TTI1: variants seen among roughly 807,000 people sequenced by gnomAD.
The protein encoded by TTI1 is TELO2-interacting protein 1 homolog.
Under a neutral mutation model 85.4 loss-of-function variants are expected in TTI1, and 52 were observed. The ratio of observed to expected loss-of-function variants is 0.61; its 90% confidence interval spans 0.49 to 0.77. TTI1 has a LOEUF of 0.77. Among genes scored for constraint, TTI1 ranks in the 30% least tolerant of loss-of-function variants. The probability of loss-of-function intolerance (pLI) is 0.00; values close to 1 mark genes in which losing one functional copy is unlikely to be tolerated. For synonymous variants in TTI1, 512 were observed against 503.9 expected, an observed-to-expected ratio of 1.02 and a Z score of -0.22; for missense variants, 1,173 against 1,296.0, an observed-to-expected ratio of 0.91 and a Z score of 1.46.
intron 7 of TTI1, 47 bp downstream of exon 7, chr20:37,996,328 T>C (rs1202128733): frequency 2.5e-6 from 4 of 1,599,898 alleles, no homozygotes; most frequent in Non-Finnish European, 3.4e-6. Context: ...AAATCATCTG[T>C]AATTTAGAAC....
Position 37,996,851 on chromosome 20 carries a change from T to G in TTI1, c.2896A>C (p.Ile966Leu). The change falls in exon 6 of 8, where the codon ATC (isoleucine) becomes CTC (leucine). Residue 966 changes from isoleucine (I) to leucine (L), a missense_variant. Transcript: ENST00000373447. The stretch of plus-strand genomic sequence containing the variant: ...TAAACTGGTCCAGCCCTGGCACTGA[T>G]GGGGGCCTGGGTGACTAGGGAGCCA... ...LAGSLVTQAP[I>L]SARAGPVYSH... The G allele has an allele frequency of 6.2e-7, 1 of 1,614,076 alleles. No homozygotes were observed. Among genetic ancestry groups the G allele is most frequent in the Non-Finnish European group, 8.5e-7 (1 of 1,179,982 alleles).
At chr20:37,996,266 G>T in intron 7 of TTI1, 109 bp downstream of exon 7, 2 of 1,116,282 alleles carry the variant, frequency 1.8e-6, no homozygotes, top group Non-Finnish European at 2.7e-6. Flanking sequence ...TCTTAACCTG[G>T]CAGGGTGACA....
chr20:38,026,098 A>C (rs2073833687), intron 1 of TTI1, among the ~76,000 whole-genome samples: 1 of 152,262 alleles, frequency 6.6e-6, no homozygotes, highest in South Asian at 2.1e-4. Context: ...TTAATTTCTG[A>C]AAACTAACAA....
At chr20:37,987,320 CAG>C (rs1370659811) in intron 7 of TTI1, 1 of 456,750 alleles carries the variant, frequency 2.2e-6, no homozygotes, top group Admixed American at 2.3e-5. Context: ...AAGACAAAGA[CAG>C]GACCTCTGCT....
chr20:38,029,276 T>C (rs1471565694), intron 1 of TTI1, among the ~76,000 whole-genome samples: 1 of 151,976 alleles, frequency 6.6e-6, no homozygotes, highest in East Asian at 1.9e-4. Context: ...AATGAAAATA[T>C]GACACACCAA....
rs1352869648 is a variant in TTI1 at position 38,012,906 on chromosome 20, C to T, written c.911G>A (p.Trp304Ter). 6.2e-7 allele frequency: 1 copy of T among 1,614,030 alleles called. No individual in the cohort carries two copies. Among genetic ancestry groups the T allele is most frequent in the Non-Finnish European group, 8.5e-7 (1 of 1,180,044 alleles). Residue 304 changes from tryptophan to a stop codon, truncating the protein, a stop_gained, in exon 2 of 8, where the codon TGG (tryptophan) becomes TAG (stop). Coordinates refer to ENST00000373447, the MANE Select transcript of TTI1 (RefSeq NM_001303457.2). LOFTEE classifies it high-confidence loss of function. ...TTCTACCAGTTCCAGTCTCACCTTC[C>T]AGTGTGGGTGAACAGAAACACACTC... ...IIECVSVHPH[W>*]KVRLELVELV...
At chr20:38,000,765 G>A (rs1568614850) in intron 4 of TTI1, among the ~76,000 whole-genome samples, 1 of 152,192 alleles carries the variant, frequency 6.6e-6, no homozygotes, top group Non-Finnish European at 1.5e-5. Context: ...CTTGGAATTT[G>A]AGCTCTGTCA....
rs2073639145 is a variant in TTI1 at position 38,013,699 on chromosome 20, C to T, written c.118G>A (p.Val40Met). The change falls in exon 2 of 8, where the codon GTG (valine) becomes ATG (methionine). Residue 40 changes from valine (V) to methionine (M), a missense_variant. Physicochemically the swap from Val to Met is conservative, Grantham distance 21. Coordinates refer to ENST00000373447, the MANE Select transcript of TTI1 (RefSeq NM_001303457.2). Reference sequence around the variant, plus strand: ...AGTTCCTGAAGGGCACTGTCACTCACAGCTTGTAGTCGTGTCTGCAGATGC... The same window carrying T: ...AGTTCCTGAAGGGCACTGTCACTCATAGCTTGTAGTCGTGTCTGCAGATGC... ...VEHLQTRLQA[V>M]SDSALQELQQ... The T allele has an allele frequency of 1.2e-6, 2 of 1,614,090 alleles. No homozygotes were observed. The highest frequency in any genetic ancestry group is 1.7e-6 in the Non-Finnish European group (2 of 1,180,044).
chr20:38,012,528 T>G lies in TTI1; in HGVS notation c.1289A>C (p.Lys430Thr). 6.2e-7 allele frequency: 1 copy of G among 1,614,172 alleles called. No homozygotes were observed. Among genetic ancestry groups the G allele is most frequent in the Non-Finnish European group, 8.5e-7 (1 of 1,180,038 alleles). ...NSVAHLQRLS[K>T]ALIQVLELDV... ...TAGCTCTAGAACTTGGATGAGTGCT[T>G]TGGAAAGCCGCTGGAGATGGGCCAC... Residue 430 changes from lysine (K) to threonine (T), a missense_variant, in exon 2 of 8, where the codon AAA becomes ACA. Transcript: ENST00000373447.
At chr20:37,994,408 C>G (rs1032947078) in intron 7 of TTI1, among the ~76,000 whole-genome samples, 5 of 152,198 alleles carry the variant, frequency 3.3e-5, no homozygotes, top group African/African-American at 1.2e-4. Flanking sequence ...GCTGGGATAA[C>G]AGGCGTAAGC....
chr20:38,001,626 T>A (rs964495575), intron 4 of TTI1, among the ~76,000 whole-genome samples: 5 of 152,138 alleles, frequency 3.3e-5, no homozygotes, highest in Non-Finnish European at 5.9e-5. Flanking sequence ...AGATTTGAGA[T>A]AATCTGTGGA....
chr20:37,985,980 C>A (rs184068850), intron 7 of TTI1, among the ~76,000 whole-genome samples: 5 of 152,048 alleles, frequency 3.3e-5, no homozygotes, highest in Admixed American at 2.0e-4. Context: ...ATGAGGCCTG[C>A]GTGGGAGACA....
At chr20:37,997,590 A>G (rs1330867085) in intron 5 of TTI1, among the ~76,000 whole-genome samples, 1 of 152,202 alleles carries the variant, frequency 6.6e-6, no homozygotes, top group Non-Finnish European at 1.5e-5. Flanking sequence ...GAACATATTG[A>G]AATGTTTTGC....
At chr20:38,018,374 A>G (rs2122617883) in intron 1 of TTI1, among the ~76,000 whole-genome samples, 1 of 152,340 alleles carries the variant, frequency 6.6e-6, no homozygotes, top group South Asian at 2.1e-4. Context: ...AGTAAATTGG[A>G]CTTAGCAGGA....
At chr20:38,010,636 A>G (rs2073570920) in intron 2 of TTI1, among the ~76,000 whole-genome samples, 2 of 129,794 alleles carry the variant, frequency 1.5e-5, no homozygotes, top group Admixed American at 7.3e-5. Context: ...ACGTCTGGCT[A>G]ATTTTTTTTT....
At chr20:37,994,137 C>T (rs542498136) in intron 7 of TTI1, among the ~76,000 whole-genome samples, 2 of 152,218 alleles carry the variant, frequency 1.3e-5, no homozygotes, top group African/African-American at 4.8e-5. Flanking sequence ...GACTTGGTTC[C>T]TCAGTACTAG....
rs373580341 is a variant in TTI1 at position 38,011,766 on chromosome 20, T to A, written c.2051A>T (p.Tyr684Phe). ...TMMDVCRACG[Y>F]DSLQHLINQN... ...ATTGATCAGGTGCTGCAGGGAGTCGTAGCCACAAGCACGGCAAACGTCCAT... is the reference window on the plus strand; with the variant it reads ...ATTGATCAGGTGCTGCAGGGAGTCGAAGCCACAAGCACGGCAAACGTCCAT... The change falls in exon 2 of 8, where the codon TAC (tyrosine) becomes TTC (phenylalanine). Residue 684 changes from tyrosine to phenylalanine, a missense_variant. By Grantham distance (22) the Tyr-to-Phe change is conservative (BLOSUM62 3). Transcript: ENST00000373447. The A allele has an allele frequency of 1.9e-6, 3 of 1,614,122 alleles. No individual in the cohort carries two copies. The highest frequency in any genetic ancestry group is 2.5e-6 in the Non-Finnish European group (3 of 1,180,044).
At chr20:38,020,319 A>ATATATATATAT (rs1555795761) in intron 1 of TTI1, among the ~76,000 whole-genome samples, 8 of 44,158 alleles carry the variant, frequency 1.8e-4, no homozygotes, top group African/African-American at 1.0e-3. Context: ...TGAAAAAAAA[A>ATATATATATAT]AAAAATATAT....
At chr20:37,992,879 C>A (rs186646920) in intron 7 of TTI1, among the ~76,000 whole-genome samples, 1 of 152,092 alleles carries the variant, frequency 6.6e-6, no homozygotes, top group Non-Finnish European at 1.5e-5. Context: ...CAGGGCATGC[C>A]GGGAGACATC....
Sources: allele counts gnomAD v4.1 joint callset (sites outside exome capture counted in the v4.1 genomes callset), GRCh38; gene constraint gnomAD v4.1.1; transcripts MANE v1.5; gene names NCBI Gene and HGNC (gene_info 2026-07-23, HGNC 2026-07-21).